FBXO36: variants seen among roughly 807,000 people sequenced by gnomAD.
FBXO36 encodes F-box protein 36, also known as F-box only protein 36.
FBXO36 carries 18 observed loss-of-function variants against 17.0 expected under a neutral mutation model. The observed-to-expected ratio is 1.06, with a 90% CI of 0.73 to 1.57. The LOEUF (loss-of-function observed/expected upper bound fraction) is 1.57, where lower values mean the gene tolerates loss of function less well. Ranked by LOEUF, FBXO36 falls within the 40% of genes most tolerant of loss-of-function variation. The pLI, the probability that FBXO36 is intolerant of heterozygous loss-of-function variation, is 0.00. For synonymous variants in FBXO36, 83 were observed against 85.3 expected (o/e 0.97, Z 0.15); for missense variants, 229 against 221.9 (o/e 1.03, Z -0.20).
chr2:229,939,197 G>A (rs1362951685), intron 1 of FBXO36: 7 of 981,944 alleles, frequency 7.1e-6, no homozygotes, highest in Non-Finnish European at 8.5e-6. Context: ...GGGATTACAG[G>A]CATGAGCCAC....
At chr2:229,934,379 C>T (rs554075997) in intron 1 of FBXO36, among the ~76,000 whole-genome samples, 4 of 152,162 alleles carry the variant, frequency 2.6e-5, no homozygotes, top group Admixed American at 2.0e-4. Context: ...CCAGCCTGGG[C>T]GACAGAGCGA....
intron 1 of FBXO36, among the ~76,000 whole-genome samples, chr2:229,972,309 C>G (rs2077184977): frequency 6.6e-6 from 1 of 152,004 alleles, no homozygotes; most frequent in South Asian, 2.1e-4. Flanking sequence ...ACCAAGTATG[C>G]AATTTTTAAC....
chr2:229,998,866 G>A (rs914819544), intron 3 of FBXO36, among the ~76,000 whole-genome samples: 4 of 148,634 alleles, frequency 2.7e-5, no homozygotes, highest in African/African-American at 1.0e-4. Context: ...GCAGTGGCGC[G>A]ATCTCGGCTT....
chr2:229,928,595 T>C (rs2076924207), intron 1 of FBXO36, among the ~76,000 whole-genome samples: 1 of 152,236 alleles, frequency 6.6e-6, no homozygotes, highest in African/African-American at 2.4e-5. Flanking sequence ...TCATTGAATA[T>C]TGAGGCTGAA....
chr2:229,975,127 C>T (rs1011729217), intron 1 of FBXO36, among the ~76,000 whole-genome samples: 2 of 152,164 alleles, frequency 1.3e-5, no homozygotes, highest in Non-Finnish European at 2.9e-5. Context: ...CAGTCCATAA[C>T]CATGGAAATG....
intron 3 of FBXO36, among the ~76,000 whole-genome samples, chr2:230,004,681 T>C (rs1428231787): frequency 6.6e-6 from 1 of 152,208 alleles, no homozygotes; most frequent in Non-Finnish European, 1.5e-5. Context: ...TGTTTTTTTT[T>C]CTACTTCACA....
intron 1 of FBXO36, among the ~76,000 whole-genome samples, chr2:229,925,465 TA>T (rs1487507027): frequency 9.2e-5 from 14 of 152,208 alleles, no homozygotes; most frequent in African/African-American, 3.4e-4. Flanking sequence ...AGACTAGCAT[TA>T]AAATATGTTT....
At chr2:229,952,983 GGA>G (rs1259651059) in intron 1 of FBXO36, among the ~76,000 whole-genome samples, 1 of 152,206 alleles carries the variant, frequency 6.6e-6, no homozygotes, top group Non-Finnish European at 1.5e-5. Flanking sequence ...GGGTTGGGAT[GGA>G]GAGAGATGTT....
chr2:229,965,400 G>A (rs1169527624), intron 1 of FBXO36, among the ~76,000 whole-genome samples: 4 of 148,424 alleles, frequency 2.7e-5, no homozygotes, highest in Non-Finnish European at 6.0e-5. Flanking sequence ...TATACTTTAA[G>A]TTCTAGGGTA....
chr2:229,951,635 C>T (rs1268481963), intron 1 of FBXO36, among the ~76,000 whole-genome samples: 1 of 152,206 alleles, frequency 6.6e-6, no homozygotes, highest in African/African-American at 2.4e-5. Context: ...CAGGGAAAAT[C>T]GATCTGCTTT....
chr2:229,962,431 C>A (rs1057225780), intron 1 of FBXO36, among the ~76,000 whole-genome samples: 1 of 151,456 alleles, frequency 6.6e-6, no homozygotes, highest in South Asian at 2.1e-4. Flanking sequence ...CTTGGACTAA[C>A]GCAATCCTCC....
intron 2 of FBXO36, among the ~76,000 whole-genome samples, chr2:229,995,806 G>A (rs747000774): frequency 4.0e-4 from 61 of 151,382 alleles, no homozygotes; most frequent in Non-Finnish European, 6.2e-4. Flanking sequence ...TGGTCAGGCG[G>A]GTCTCGAACT....
chr2:229,923,138 G>C (rs2076824549), intron 1 of FBXO36: 1 of 153,852 alleles, frequency 6.5e-6, no homozygotes, highest in Admixed American at 6.5e-5. Flanking sequence ...TGACGATTGG[G>C]AGCTCTTACC....
At chr2:230,003,555 C>T (rs1369877168) in intron 3 of FBXO36, among the ~76,000 whole-genome samples, 10 of 150,028 alleles carry the variant, frequency 6.7e-5, no homozygotes, top group African/African-American at 9.8e-5. Flanking sequence ...TTTTTTGACA[C>T]GGAGTCTTGC....
intron 2 of FBXO36, among the ~76,000 whole-genome samples, chr2:229,983,240 TG>T (rs1039737180): frequency 5.9e-5 from 9 of 152,124 alleles, no homozygotes; most frequent in Admixed American, 1.3e-4. Flanking sequence ...CCAAGCGTGG[TG>T]GCTTATGCTT....
chr2:229,990,823 A>T (rs200196980), intron 2 of FBXO36, among the ~76,000 whole-genome samples: 4 of 152,238 alleles, frequency 2.6e-5, no homozygotes, highest in Non-Finnish European at 5.9e-5. Context: ...TTGAGAGTTT[A>T]TAAAGCTAAT....
intron 1 of FBXO36, among the ~76,000 whole-genome samples, chr2:229,954,234 A>T (rs80175133): frequency 9.8e-4 from 70 of 71,392 alleles, no homozygotes; most frequent in South Asian, 1.9e-3. Context: ...AACCCTTTGG[A>T]TTTTTTTTTT....
chr2:229,976,354 G>A lies in FBXO36; in HGVS notation c.205+5G>A, dbSNP rs766211775. ...TAGAGAATTCACATCTTCAAGGTAA[G>A]GAACGGAACATATTATATACCCCTG... On this transcript the variant is annotated splice_donor_5th_base_variant and intron_variant, in intron 2 of 3. Coordinates refer to ENST00000283946, the MANE Select transcript of FBXO36 (RefSeq NM_174899.5). 1.9e-6 allele frequency: 3 copies of A among 1,593,544 alleles called. No homozygotes were observed. Among genetic ancestry groups the A allele is most frequent in the Non-Finnish European group, 8.6e-7 (1 of 1,161,508 alleles).
chr2:230,003,251 T>A (rs1163919618), intron 3 of FBXO36, among the ~76,000 whole-genome samples: 1 of 149,410 alleles, frequency 6.7e-6, no homozygotes, highest in Non-Finnish European at 1.5e-5. Flanking sequence ...TTTTATGAAG[T>A]GGTGGCAATA....
Sources: allele counts gnomAD v4.1 joint callset (sites outside exome capture counted in the v4.1 genomes callset), GRCh38; gene constraint gnomAD v4.1.1; transcripts MANE v1.5; gene names NCBI Gene and HGNC (gene_info 2026-07-23, HGNC 2026-07-21).